ACO1: variants seen among roughly 807,000 people sequenced by gnomAD.
ACO1 encodes the protein aconitase 1, also known as cytoplasmic aconitate hydratase.
ACO1 carries 78 observed loss-of-function variants against 105.1 expected under a neutral mutation model. The ratio of observed to expected loss-of-function variants is 0.74; its 90% CI spans 0.62 to 0.90. The LOEUF (loss-of-function observed/expected upper bound fraction) is 0.90. Ranked by LOEUF, ACO1 falls within the 40% of genes least tolerant of loss-of-function variation. ACO1 has a pLI of 0.00. For synonymous variants in ACO1, 364 were observed against 397.4 expected (o/e 0.92, Z 1.00); for missense variants, 965 against 1,111.1 (o/e 0.87, Z 1.87).
chr9:32,433,154 G>A (rs1822276077), intron 15 of ACO1, among the ~76,000 whole-genome samples: 1 of 152,112 alleles, frequency 6.6e-6, no homozygotes, highest in Admixed American at 6.5e-5. Flanking sequence ...CAACAGGAGG[G>A]GGTCAACTAA....
At chr9:32,402,336 A>G (rs920847628) in intron 1 of ACO1, among the ~76,000 whole-genome samples, 3 of 152,212 alleles carry the variant, frequency 2.0e-5, no homozygotes, top group East Asian at 1.9e-4. Context: ...CACCATATAT[A>G]TTTAGATACT....
At chr9:32,443,449 A>G (rs1055453721) in intron 19 of ACO1, among the ~76,000 whole-genome samples, 3 of 152,234 alleles carry the variant, frequency 2.0e-5, no homozygotes, top group Non-Finnish European at 4.4e-5. Flanking sequence ...AAGATATAAC[A>G]GAGGTAAAAG....
chr9:32,434,488 T>C (rs1587548282), intron 16 of ACO1, 71 bp from the exon 17 acceptor site: 14 of 1,583,968 alleles, frequency 8.8e-6, no homozygotes, highest in Non-Finnish European at 1.1e-5. Flanking sequence ...TGGGCCACCA[T>C]CGTAGAGACT....
At position 32,431,719 on chromosome 9, in the gene ACO1, G is replaced by A; in HGVS notation, c.1727G>A (p.Gly576Glu). The A allele has an allele frequency of 6.2e-7, 1 of 1,613,556 alleles. No individual in the cohort carries two copies. Among genetic ancestry groups the A allele is most frequent in the Non-Finnish European group, 8.5e-7 (1 of 1,179,852 alleles). The change falls in exon 15 of 21, where the codon GGA (glycine) becomes GAA (glutamate). Residue 576 changes from glycine (G) to glutamate (E), a missense_variant and splice_region_variant. By Grantham distance (98) the Gly-to-Glu change is moderately conservative. Transcript: ENST00000309951. ...IRIDFEKEPL[G>E]VNAKGQQVFL... is the part of the protein sequence containing the mutation. ...TCATTAATAAACATTTTTTCCCCAG[G>A]AGTAAATGCAAAGGGACAGCAGGTA...
intron 1 of ACO1, among the ~76,000 whole-genome samples, chr9:32,391,380 C>T (rs146535897): frequency 4.3e-4 from 66 of 152,326 alleles, no homozygotes; most frequent in African/African-American, 1.5e-3. Context: ...CTTTGGGAGA[C>T]GGAACAGGTT....
chr9:32,420,768 C>G, intron 7 of ACO1, 88 bp from the exon 8 acceptor site: 1 of 1,388,744 alleles, frequency 7.2e-7, no homozygotes, highest in Non-Finnish European at 9.9e-7. Context: ...ACTGACAAGA[C>G]TAGTTTATAA....
intron 10 of ACO1, 120 bp from the exon 11 acceptor site, chr9:32,425,718 A>G (rs753465457): frequency 1.6e-6 from 1 of 618,512 alleles, no homozygotes; most frequent in Non-Finnish European, 2.5e-6. Context: ...ATAGTTACCA[A>G]AGTATTCCTT....
chr9:32,434,746 A>G, intron 17 of ACO1, 45 bp downstream of exon 17: 6 of 1,603,924 alleles, frequency 3.7e-6, no homozygotes, highest in Non-Finnish European at 5.1e-6. Flanking sequence ...AAAATGGAGG[A>G]ATGGAGTTAA....
chr9:32,408,065 T>G (rs1396021856), intron 3 of ACO1, among the ~76,000 whole-genome samples: 1 of 152,234 alleles, frequency 6.6e-6, no homozygotes, highest in Non-Finnish European at 1.5e-5. Flanking sequence ...GAGAGATTCA[T>G]TTAACATGAA....
At chr9:32,432,649 T>C (rs1467713) in intron 15 of ACO1, among the ~76,000 whole-genome samples, 52,331 of 152,116 alleles carry the variant, frequency 0.34, 9,121 homozygotes, top group East Asian at 0.51. Context: ...TTGTGTGACC[T>C]GGAAGGCCAC....
chr9:32,449,358 G>A (rs571519606), intron 20 of ACO1, among the ~76,000 whole-genome samples: 1 of 152,214 alleles, frequency 6.6e-6, no homozygotes, highest in East Asian at 1.9e-4. Flanking sequence ...CTCTCGTGAT[G>A]AGAGCTCAGG....
intron 19 of ACO1, among the ~76,000 whole-genome samples, chr9:32,447,614 G>A (rs182646020): frequency 6.6e-6 from 1 of 152,074 alleles, no homozygotes. Flanking sequence ...CCTTGATGGT[G>A]AGGAGTTGTG....
Position 32,425,841 on chromosome 9 carries a change from G to A in ACO1, c.1192G>A (p.Gly398Arg), listed in dbSNP as rs530391630. ...TATACATTTTTTCTTCCTTTAGCAA[G>A]GATTTAAAGGATTCCAAGTTGCTCC... ...DFESCLGAKQ[G>R]FKGFQVAPEH... The change falls in exon 11 of 21, where the codon GGA becomes AGA. Residue 398 changes from glycine to arginine, a missense_variant. Physicochemically the swap from Gly to Arg is moderately radical, Grantham distance 125 (BLOSUM62 -2). Transcript: ENST00000309951. The A allele has an allele frequency of 1.2e-6, 2 of 1,607,960 alleles. No homozygotes were observed. Among genetic ancestry groups the A allele is most frequent in the East Asian group, 2.2e-5 (1 of 44,768 alleles).
Position 32,431,849 on chromosome 9 carries a change from G to C in ACO1, c.1851+6G>C, listed in dbSNP as rs774249121. The C allele has an allele frequency of 1.2e-6, 2 of 1,613,720 alleles. No homozygotes were observed. Among genetic ancestry groups the C allele is most frequent in the Non-Finnish European group, 1.7e-6 (2 of 1,179,874 alleles). On this transcript the variant is annotated splice_donor_region_variant and intron_variant, in intron 15 of 20. Coordinates refer to ENST00000309951, the MANE Select transcript of ACO1 (RefSeq NM_002197.3). ...AAGTCTATCAGAAAATAGAGGTGAG[G>C]TCCCACACTGCCCTCCCCGCCCCAG...
chr9:32,437,077 G>A (rs749368963), intron 18 of ACO1, among the ~76,000 whole-genome samples: 4 of 152,130 alleles, frequency 2.6e-5, no homozygotes, highest in Non-Finnish European at 5.9e-5. Context: ...CCTGTAAACT[G>A]TTTAACTTAC....
In ACO1 at chr9:32,439,960, T is replaced by C. The variant is rs1338702944; in HGVS notation, c.2248-505T>C. Among the ~76,000 whole-genome samples the C allele has an allele frequency of 6.6e-6, 1 of 152,212 alleles. No homozygotes were observed. Among genetic ancestry groups the C allele is most frequent in the African/African-American group, 2.4e-5 (1 of 41,466 alleles). The stretch of plus-strand genomic sequence containing the variant: ...GCATTTCTGTCAAAAGAATATAAAA[T>C]GGTTTTTAAGAATACAAAATTTAAG... On this transcript the variant is annotated intron_variant, in intron 18 of 20. Coordinates refer to ENST00000309951, the MANE Select transcript of ACO1 (RefSeq NM_002197.3). The surrounding 1 kb of genome is among the most constrained non-coding windows in gnomAD (Gnocchi z 4.0).
chr9:32,409,065 G>T (rs114384943), intron 4 of ACO1, among the ~76,000 whole-genome samples: 1 of 152,098 alleles, frequency 6.6e-6, no homozygotes, highest in African/African-American at 2.4e-5. Flanking sequence ...GCCTCTTCAC[G>T]TGGGTTTCCA....
In ACO1 at chr9:32,438,877, T is replaced by G. The variant is rs368985639; in HGVS notation, c.2248-1588T>G. 9.2e-5 allele frequency among the ~76,000 whole-genome samples: 14 copies of G among 152,312 alleles called. No homozygotes were observed. In the South Asian group the frequency reaches 2.9e-3, roughly 32 times the overall value. ...TGTTAAGAGAAGTAAATCCTCAAAGTAGAATATTGACAGATAATTTTAAAA... is the reference window on the plus strand; with the variant it reads ...TGTTAAGAGAAGTAAATCCTCAAAGGAGAATATTGACAGATAATTTTAAAA... On this transcript the variant is annotated intron_variant, in intron 18 of 20. Transcript: ENST00000309951.
Position 32,426,905 on chromosome 9 carries a change from A to G in ACO1, c.1349-396A>G, listed in dbSNP as rs901507607. ...CCTTGCCAGCCAGCACACAGCTGATATAGTTTCAGAAAGGGCTCCTTCAAT... is the reference window on the plus strand; with the variant it reads ...CCTTGCCAGCCAGCACACAGCTGATGTAGTTTCAGAAAGGGCTCCTTCAAT... On this transcript the variant is annotated intron_variant, in intron 11 of 20. Transcript: ENST00000309951. Among the ~76,000 whole-genome samples the G allele has an allele frequency of 2.6e-5, 4 of 152,186 alleles. No individual in the cohort carries two copies. In the South Asian group the frequency reaches 8.3e-4, roughly 31 times the overall value.
Sources: gnomAD v4.1 joint callset for allele counts (sites outside exome capture counted in the v4.1 genomes callset) on GRCh38, gnomAD v4.1.1 for gene constraint, Gnocchi (gnomAD v3.1) non-coding constraint, MANE v1.5 for transcripts, NCBI Gene and HGNC (gene_info 2026-07-23, HGNC 2026-07-21) for gene names.